Variants in SHROOM3 observed in about 807,000 individuals in gnomAD.
SHROOM3 encodes shroom family member 3, also known as protein Shroom3.
SHROOM3 carries 47 observed loss-of-function variants against 138.6 expected under a neutral mutation model. That is an observed-to-expected ratio of 0.34 (90% CI 0.27 to 0.43). The LOEUF is 0.43. Among genes scored for constraint, SHROOM3 ranks in the 20% least tolerant of loss-of-function variants. SHROOM3 has a pLI of 1.00. For synonymous variants in SHROOM3, 1,062 were observed against 1,063.3 expected (o/e 1.00, Z 0.02); for missense variants, 2,491 against 2,596.5 (o/e 0.96, Z 0.88).
At chr4:76,579,875 G>A (rs75608064) in intron 2 of SHROOM3, among the ~76,000 whole-genome samples, 200 of 152,314 alleles carry the variant, frequency 1.3e-3, no homozygotes, top group Middle Eastern at 6.8e-3. Context: ...GAAGAGAATC[G>A]TTGTGTCTTA....
intron 1 of SHROOM3, among the ~76,000 whole-genome samples, chr4:76,507,568 G>A (rs1173665392): frequency 2.1e-5 from 3 of 142,190 alleles, no homozygotes; most frequent in Admixed American, 7.4e-5. Flanking sequence ...ATGGAGTCTC[G>A]CTCTGTTGCC....
chr4:76,688,240 T>G (rs1719396407), intron 2 of SHROOM3: 1 of 258,610 alleles, frequency 3.9e-6, no homozygotes, highest in Non-Finnish European at 6.0e-6. Context: ...AATACAATTT[T>G]AAGGAGGATA....
chr4:76,591,250 G>A (rs754502825), intron 2 of SHROOM3, among the ~76,000 whole-genome samples: 19 of 152,176 alleles, frequency 1.2e-4, no homozygotes, highest in Non-Finnish European at 2.8e-4. Context: ...AGAGCACAGT[G>A]CCTCATCTGC....
chr4:76,655,552 CAAAG>C (rs1736047129), intron 2 of SHROOM3, among the ~76,000 whole-genome samples: 1 of 152,176 alleles, frequency 6.6e-6, no homozygotes, highest in Non-Finnish European at 1.5e-5. Flanking sequence ...AAGATAAACA[CAAAG>C]AAATTCCTGT....
At chr4:76,516,445 T>C (rs752572965) in intron 1 of SHROOM3, among the ~76,000 whole-genome samples, 5 of 152,144 alleles carry the variant, frequency 3.3e-5, no homozygotes, top group Non-Finnish European at 5.9e-5. Flanking sequence ...CATGAAGGAC[T>C]GGGGTTCCCT....
chr4:76,529,135 G>A (rs1280641253), intron 1 of SHROOM3, among the ~76,000 whole-genome samples: 2 of 152,122 alleles, frequency 1.3e-5, no homozygotes, highest in Non-Finnish European at 2.9e-5. Flanking sequence ...GGATGTCGGG[G>A]AAACCATGGG....
intron 1 of SHROOM3, among the ~76,000 whole-genome samples, chr4:76,516,378 C>T (rs1174421965): frequency 5.3e-5 from 8 of 152,082 alleles, no homozygotes; most frequent in Non-Finnish European, 1.5e-5. Context: ...ATGTCCCTAC[C>T]TTATTAGTTC....
chr4:76,669,643 A>ATATC (rs1718818476), intron 2 of SHROOM3, among the ~76,000 whole-genome samples: 2 of 152,048 alleles, frequency 1.3e-5, no homozygotes, highest in African/African-American at 4.8e-5. Context: ...TTCTCTTCAC[A>ATATC]TATCTTGTTT....
intron 1 of SHROOM3, among the ~76,000 whole-genome samples, chr4:76,452,239 A>T (rs1730940341): frequency 6.6e-6 from 1 of 152,226 alleles, no homozygotes; most frequent in Non-Finnish European, 1.5e-5. Flanking sequence ...CATAAAATTA[A>T]CCATTTTAGC....
At chr4:76,527,761 T>C (rs17002045) in intron 1 of SHROOM3, among the ~76,000 whole-genome samples, 6,432 of 152,318 alleles carry the variant, frequency 0.042, 484 homozygotes, top group African/African-American at 0.14. Context: ...CTTCAGGGTT[T>C]GTTTCCAAAA....
chr4:76,724,098 T>A (rs1347824255), intron 3 of SHROOM3, among the ~76,000 whole-genome samples: 1 of 152,258 alleles, frequency 6.6e-6, no homozygotes, highest in Non-Finnish European at 1.5e-5. Context: ...CAAAATCATC[T>A]AAGAAGGACA....
At chr4:76,730,219 A>C (rs547966590) in intron 3 of SHROOM3, among the ~76,000 whole-genome samples, 2 of 152,344 alleles carry the variant, frequency 1.3e-5, no homozygotes, top group South Asian at 4.1e-4. Context: ...GACTTGCAAA[A>C]TGAGAAATTT....
Position 76,781,094 on chromosome 4 carries a change from G to A in SHROOM3, c.*1917G>A, listed in dbSNP as rs934118065. The A allele has an allele frequency of 6.6e-6, 1 of 152,096 alleles. No homozygotes were observed. Among genetic ancestry groups the A allele is most frequent in the African/African-American group, 2.4e-5 (1 of 41,404 alleles). 9.4% of individuals were successfully genotyped at this position (152,096 alleles called of 1,614,324 possible). A position where few individuals can be genotyped will look rare whatever the true frequency, so the allele number is the denominator to read the frequency against. On this transcript the variant is annotated 3_prime_UTR_variant, in exon 11 of 11. Transcript: ENST00000296043. ...TGACCATTTTTCGGGATTTGACTGG[G>A]GAACATTTTACATATTCAGTCTTTC...
At chr4:76,540,720 T>C (rs1200115659) in intron 1 of SHROOM3, among the ~76,000 whole-genome samples, 3 of 152,172 alleles carry the variant, frequency 2.0e-5, no homozygotes, top group Non-Finnish European at 4.4e-5. Flanking sequence ...ATCAAGAGAT[T>C]TGTTATTTTT....
intron 2 of SHROOM3, among the ~76,000 whole-genome samples, chr4:76,635,658 G>A (rs1157451445): frequency 6.6e-6 from 1 of 152,106 alleles, no homozygotes; most frequent in Non-Finnish European, 1.5e-5. Flanking sequence ...CACTCTCTTG[G>A]TCTTTCATTG....
At chr4:76,569,699 G>T (rs1194739967) in intron 2 of SHROOM3, among the ~76,000 whole-genome samples, 1 of 147,500 alleles carries the variant, frequency 6.8e-6, no homozygotes, top group Non-Finnish European at 1.5e-5. Flanking sequence ...TCCTATGACA[G>T]TTTTTTTTTT....
At chr4:76,689,071 T>C (rs1719420357) in intron 2 of SHROOM3, 2 of 487,580 alleles carry the variant, frequency 4.1e-6, no homozygotes, top group South Asian at 8.9e-5. Context: ...CTTCTTAAAG[T>C]TGATATTTTG....
intron 1 of SHROOM3, among the ~76,000 whole-genome samples, chr4:76,446,352 A>G (rs1279884306): frequency 6.7e-6 from 1 of 149,590 alleles, no homozygotes; most frequent in Non-Finnish European, 1.5e-5. Context: ...AGTGGAATGC[A>G]TGAACTGTGT....
chr4:76,451,499 T>C (rs1282617768), intron 1 of SHROOM3, among the ~76,000 whole-genome samples: 1 of 152,198 alleles, frequency 6.6e-6, no homozygotes, highest in Non-Finnish European at 1.5e-5. Context: ...TCATTGCCTC[T>C]GTGGTTGGAG....
Sources: allele counts gnomAD v4.1 joint callset (sites outside exome capture counted in the v4.1 genomes callset), GRCh38; gene constraint gnomAD v4.1.1; transcripts MANE v1.5; gene names NCBI Gene and HGNC (gene_info 2026-07-23, HGNC 2026-07-21).